Variants in AP3D1 observed in about 807,000 individuals in gnomAD.
The protein encoded by AP3D1 is AP-3 complex subunit delta-1.
Under a neutral mutation model 147.6 loss-of-function variants are expected in AP3D1, and 51 were observed. The observed-to-expected ratio is 0.35, with a 90% CI of 0.28 to 0.44. The LOEUF (loss-of-function observed/expected upper bound fraction) is 0.44. Among genes scored for constraint, AP3D1 ranks in the 20% least tolerant of loss-of-function variants. The pLI is 1.00. For missense variants in AP3D1, 1,421 were observed against 1,624.2 expected, an observed-to-expected ratio of 0.87 and a Z score of 2.15; for synonymous variants, 760 against 663.0, an observed-to-expected ratio of 1.15 and a Z score of -2.25.
intron 1 of AP3D1, among the ~76,000 whole-genome samples, chr19:2,147,828 T>TG (rs1315092787): frequency 2.0e-5 from 3 of 148,624 alleles, no homozygotes; most frequent in Non-Finnish European, 4.4e-5. Flanking sequence ...GAGGTTGCAG[T>TG]GAGCCGAGAT....
chr19:2,136,554 T>C (rs2019081691), intron 4 of AP3D1, among the ~76,000 whole-genome samples: 3 of 152,294 alleles, frequency 2.0e-5, no homozygotes, highest in Admixed American at 2.0e-4. Context: ...TCCGTGACCA[T>C]TTCAAAATGC....
At chr19:2,116,793 G>C in intron 16 of AP3D1, 47 bp from the exon 17 acceptor site, 6 of 1,545,364 alleles carry the variant, frequency 3.9e-6, no homozygotes, top group South Asian at 1.2e-5. Context: ...GACCGAGCAC[G>C]CGCCTGCAGG....
chr19:2,115,803 G>A (rs964324294), intron 18 of AP3D1, among the ~76,000 whole-genome samples, 190 bp from the exon 19 acceptor site: 1 of 152,260 alleles, frequency 6.6e-6, no homozygotes, highest in Non-Finnish European at 1.5e-5. Flanking sequence ...AGACAGTGAG[G>A]ACTGGAAAGC....
intron 3 of AP3D1, among the ~76,000 whole-genome samples, chr19:2,137,380 C>T (rs1568302195): frequency 1.3e-5 from 2 of 151,888 alleles, no homozygotes. Context: ...ATGGCACGAT[C>T]TCAGCTCACT....
At chr19:2,114,720 C>A in intron 21 of AP3D1, 28 bp downstream of exon 21, 6 of 1,607,548 alleles carry the variant, frequency 3.7e-6, no homozygotes, top group Non-Finnish European at 5.1e-6. Context: ...GTGGCCTCCA[C>A]CCTCACCCTG....
At chr19:2,114,650 CACCCTGCAGAGCCCGG>C in intron 21 of AP3D1, 82 bp downstream of exon 21, 1 of 891,546 alleles carries the variant, frequency 1.1e-6, no homozygotes, top group Non-Finnish European at 1.8e-6. Context: ...CCAGCCTGCC[CACCCTGCAGAGCCCGG>C]CCCCACCCGG....
At chr19:2,102,467 G>GC (rs1353269410) in intron 31 of AP3D1, among the ~76,000 whole-genome samples, 199 bp from the exon 32 acceptor site, 9 of 152,026 alleles carry the variant, frequency 5.9e-5, no homozygotes, top group African/African-American at 2.2e-4. Context: ...GGTGGCTCAC[G>GC]CCTGTAATCC....
At chr19:2,105,047 A>T (rs1227014404) in intron 31 of AP3D1, among the ~76,000 whole-genome samples, 1 of 152,202 alleles carries the variant, frequency 6.6e-6, no homozygotes, top group Non-Finnish European at 1.5e-5. Flanking sequence ...GACATGGAAG[A>T]TACAAGAAGG....
intron 21 of AP3D1, 43 bp downstream of exon 21, chr19:2,114,705 C>T (rs760522631): frequency 5.4e-5 from 85 of 1,581,830 alleles, no homozygotes; most frequent in Non-Finnish European, 6.7e-5. Flanking sequence ...GGGAAGCAAC[C>T]ACATGTGGCC....
intron 2 of AP3D1, 115 bp downstream of exon 2, chr19:2,138,504 C>G: frequency 4.8e-6 from 4 of 829,364 alleles, no homozygotes; most frequent in Non-Finnish European, 8.1e-6. Flanking sequence ...GGCTCACCGA[C>G]AGCAGGTGGT....
In AP3D1 at chr19:2,115,295, C is replaced by G. The variant is rs2018411769; in HGVS notation, c.2273G>C (p.Ser758Thr). Reference protein sequence around the residue: ...EKEKKGKRRHSSLPTESDEDI... With the variant: ...EKEKKGKRRHTSLPTESDEDI... ...CTCGTCGCTCTCCGTGGGCAGCGAG[C>G]TGTGGCGGCGCTTGCCCTTCTTCTC... Residue 758 changes from serine (S) to threonine (T), a missense_variant, in exon 20 of 32, where the codon AGC (serine) becomes ACC (threonine). This residue lies in a region of AP3D1 where 791 missense variants were observed against 761.4 expected (regional missense o/e 1.04). Coordinates refer to ENST00000643116, the MANE Select transcript of AP3D1 (RefSeq NM_001261826.3). 1 of 1,613,146 alleles carries G rather than the reference C, an allele frequency of 6.2e-7. No individual in the cohort carries two copies. Among genetic ancestry groups the G allele is most frequent in the South Asian group, 1.1e-5 (1 of 91,086 alleles).
intron 31 of AP3D1, among the ~76,000 whole-genome samples, chr19:2,102,733 AAAT>A (rs2017991178): frequency 3.4e-3 from 3 of 880 alleles, no homozygotes; most frequent in East Asian, 0.036. Context: ...CTCAAAAAAT[AAAT>A]AAATAAATAA....
intron 1 of AP3D1, among the ~76,000 whole-genome samples, chr19:2,142,027 T>C (rs35142206): frequency 0.32 from 48,229 of 151,096 alleles, 8,974 homozygotes; most frequent in Non-Finnish European, 0.43. Context: ...TATATATATA[T>C]GTATCTTTTG....
chr19:2,114,253 C>T lies in AP3D1; in HGVS notation c.2473G>A (p.Glu825Lys), dbSNP rs758630548. The T allele has an allele frequency of 1.9e-5, 30 of 1,613,402 alleles. No homozygotes were observed. The African/African-American group carries it at 2.7e-4, about 14-fold the overall frequency. Residue 825 changes from glutamate (E) to lysine (K), a missense_variant, in exon 22 of 32, where the codon GAG becomes AAG. This residue lies in a region of AP3D1 where 791 missense variants were observed against 761.4 expected (regional missense o/e 1.04). Transcript: ENST00000643116. ...KLPIQKHRNT[E>K]TSKSPEKDVP... is the part of the protein sequence containing the mutation. ...TCCTTCTCAGGGGATTTTGAGGTCTCGGTGTTTCTGTGTTTCTGAATAGGC... is the reference window on the plus strand; with the variant it reads ...TCCTTCTCAGGGGATTTTGAGGTCTTGGTGTTTCTGTGTTTCTGAATAGGC...
At chr19:2,105,049 A>G (rs2018071901) in intron 31 of AP3D1, among the ~76,000 whole-genome samples, 1 of 152,200 alleles carries the variant, frequency 6.6e-6, no homozygotes, top group African/African-American at 2.4e-5. Flanking sequence ...CATGGAAGAT[A>G]CAAGAAGGGC....
chr19:2,150,126 G>T (rs1326328768), intron 1 of AP3D1, among the ~76,000 whole-genome samples: 1 of 152,228 alleles, frequency 6.6e-6, no homozygotes, highest in African/African-American at 2.4e-5. Context: ...CCAGAGAGAG[G>T]GACATGGGCT....
chr19:2,126,597 T>C (rs1052562474), intron 9 of AP3D1, among the ~76,000 whole-genome samples: 5 of 134,792 alleles, frequency 3.7e-5, no homozygotes, highest in African/African-American at 1.4e-4. Context: ...GAGGTTGCAG[T>C]AAGCCAAGTT....
intron 4 of AP3D1, among the ~76,000 whole-genome samples, chr19:2,136,782 G>A (rs1342664259): frequency 6.6e-5 from 10 of 152,110 alleles, no homozygotes; most frequent in African/African-American, 9.7e-5. Context: ...AGGGGGCACC[G>A]CACCACTCAG....
At chr19:2,158,545 T>C (rs905774749) in intron 1 of AP3D1, among the ~76,000 whole-genome samples, 1 of 151,876 alleles carries the variant, frequency 6.6e-6, no homozygotes, top group Non-Finnish European at 1.5e-5. Context: ...TGGCCTCAAG[T>C]TGTCCTCCCA....
Sources: allele counts gnomAD v4.1 joint callset (sites outside exome capture counted in the v4.1 genomes callset), GRCh38; gene constraint gnomAD v4.1.1; regional missense constraint gnomAD v4.1.1; transcripts MANE v1.5; gene names NCBI Gene and HGNC (gene_info 2026-07-23, HGNC 2026-07-21).